Variants in OXTR observed in about 807,000 individuals in gnomAD.
OXTR encodes the protein oxytocin receptor.
OXTR carries 19 observed loss-of-function variants against 23.9 expected under a neutral mutation model. The observed-to-expected ratio is 0.80, with a 90% CI of 0.56 to 1.17. OXTR has a LOEUF of 1.17. Among genes scored for constraint, OXTR ranks in the 50% most tolerant of loss-of-function variants. The pLI, the probability that OXTR is intolerant of heterozygous loss-of-function variation, is 0.00. For missense variants in OXTR, 500 were observed against 550.7 expected (o/e 0.91, Z 0.92); for synonymous variants, 278 against 250.5 (o/e 1.11, Z -1.04).
chr3:8,741,845 G>A, the OXTR span, among the ~76,000 whole-genome samples: 175 of 152,224 alleles, frequency 1.1e-3, no homozygotes, highest in African/African-American at 3.5e-3. Flanking sequence ...CTCAGAGACT[G>A]CGGGGACTGC....
At position 8,767,986 on chromosome 3, in the gene OXTR, G is replaced by C; in HGVS notation, c.202C>G (p.Arg68Gly). The change falls in exon 3 of 4, where the codon CGC becomes GGC. Residue 68 changes from arginine (R) to glycine (G), a missense_variant. By Grantham distance (125) the Arg-to-Gly change is moderately radical. Coordinates refer to ENST00000316793, the MANE Select transcript of OXTR (RefSeq NM_000916.4). ...ACVLLALRTTRQKHSRLFFFM... is the reference protein window; with the variant it reads ...ACVLLALRTTGQKHSRLFFFM... ...AAGAAGAGGCGCGAGTGCTTCTGGC[G>C]TGTGGTGCGCAGCGCCAGCAGCACA... 5.6e-6 allele frequency: 9 copies of C among 1,611,704 alleles called. No individual in the cohort carries two copies. Among genetic ancestry groups the C allele is most frequent in the Non-Finnish European group, 6.8e-6 (8 of 1,179,206 alleles).
chr3:8,752,190 T>G lies in OXTR; in HGVS notation c.*787A>C, dbSNP rs200845217. On this transcript the variant is annotated 3_prime_UTR_variant, in exon 4 of 4. Coordinates refer to ENST00000316793, the MANE Select transcript of OXTR (RefSeq NM_000916.4). ...ACAATTCATTTTTGTATATTGATCT[T>G]GTATCTTGAAACCTTGCGGAACTTG... The G allele has an allele frequency of 2.6e-5, 4 of 152,218 alleles. No individual in the cohort carries two copies. The highest frequency in any genetic ancestry group is 5.9e-5 in the Non-Finnish European group (4 of 68,052). The allele number at this position is 152,218 out of a possible 1,614,324, so 9.4% of individuals were successfully genotyped here.
At chr3:8,762,973 T>C (rs1575489001) in intron 3 of OXTR, among the ~76,000 whole-genome samples, 1 of 152,340 alleles carries the variant, frequency 6.6e-6, no homozygotes, top group Admixed American at 6.5e-5. Flanking sequence ...TGGCAAGCAC[T>C]GGTTGAGCTA....
In OXTR at chr3:8,753,330, C is replaced by G. The variant is rs989208465; in HGVS notation, c.923-106G>C. On this transcript the variant is annotated intron_variant, in intron 3 of 3. Transcript: ENST00000316793. ...ATCATTTCCTGAGCGACAGCCTTGTCCAAGTACTACATCCTGAATCACAAG... is the reference window on the plus strand; with the variant it reads ...ATCATTTCCTGAGCGACAGCCTTGTGCAAGTACTACATCCTGAATCACAAG... The G allele has an allele frequency of 1.6e-5, 21 of 1,286,412 alleles. No individual in the cohort carries two copies. In the Admixed American group the frequency reaches 4.6e-4, roughly 28 times the overall value. The allele number at this position is 1,286,412 out of a possible 1,614,324, so 79.7% of individuals were successfully genotyped here. A position where few individuals can be genotyped will look rare whatever the true frequency, so the allele number is the denominator to read the frequency against.
Position 8,768,225 on chromosome 3 carries a change from C to T in OXTR, c.-38G>A, listed in dbSNP as rs1211355055. On this transcript the variant is annotated 5_prime_UTR_variant, in exon 3 of 4. Coordinates refer to ENST00000316793, the MANE Select transcript of OXTR (RefSeq NM_000916.4). The surrounding 1 kb of genome is among the most constrained non-coding windows in gnomAD (Gnocchi z 5.4). ...AGCGGTGCGCCCCGGCCTTCGAGCCCTTTACGGCTTGGCGCGGCTGGGCCG... is the reference window on the plus strand; with the variant it reads ...AGCGGTGCGCCCCGGCCTTCGAGCCTTTTACGGCTTGGCGCGGCTGGGCCG... 1 of 1,272,278 alleles carries T rather than the reference C, an allele frequency of 7.9e-7. No homozygotes were observed. The highest frequency in any genetic ancestry group is 1.6e-5 in the African/African-American group (1 of 64,146). 78.8% of individuals were successfully genotyped at this position (1,272,278 alleles called of 1,614,324 possible).
rs201616020 is a variant in OXTR at position 8,768,509 on chromosome 3, C to A, written c.-156G>T. 3.9e-6 allele frequency: 1 copy of A among 256,560 alleles called. No individual in the cohort carries two copies. Among genetic ancestry groups the A allele is most frequent in the East Asian group, 7.3e-5 (1 of 13,728 alleles). The allele number at this position is 256,560 out of a possible 1,614,324, so 15.9% of individuals were successfully genotyped here. On this transcript the variant is annotated 5_prime_UTR_variant, in exon 2 of 4. Coordinates refer to ENST00000316793, the MANE Select transcript of OXTR (RefSeq NM_000916.4). This position sits in a 1 kb window ranked among gnomAD's most constrained non-coding sequence, Gnocchi z 5.4. ...CGTTGGAGGTACCTCCTCTGAGCCACTGCAAATGAGCGGGAATCCTCTACC... is the reference window on the plus strand; with the variant it reads ...CGTTGGAGGTACCTCCTCTGAGCCAATGCAAATGAGCGGGAATCCTCTACC...
rs1708665830 is a variant in OXTR at position 8,767,859 on chromosome 3, A to T, written c.329T>A (p.Leu110Gln). 6.2e-7 allele frequency: 1 copy of T among 1,613,134 alleles called. No homozygotes were observed. ...DITFRFYGPD[L>Q]LCRLVKYLQV... ...CAAGTACTTGACCAGGCGGCACAGCAGGTCGGGCCCGTAGAAGCGGAAGGT... is the reference window on the plus strand; with the variant it reads ...CAAGTACTTGACCAGGCGGCACAGCTGGTCGGGCCCGTAGAAGCGGAAGGT... Residue 110 changes from leucine (L) to glutamine (Q), a missense_variant, in exon 3 of 4, where the codon CTG becomes CAG. Leu to Gln is a moderately radical substitution (Grantham distance 113). Coordinates refer to ENST00000316793, the MANE Select transcript of OXTR (RefSeq NM_000916.4).
intron 3 of OXTR, among the ~76,000 whole-genome samples, chr3:8,764,138 C>T (rs1025905079): frequency 2.0e-5 from 3 of 151,844 alleles, no homozygotes; most frequent in Admixed American, 1.3e-4. Context: ...AGAGGGACTT[C>T]GGGTCCCTGG....
chr3:8,768,155 G>A lies in OXTR; in HGVS notation c.33C>T (p.Ala11=), dbSNP rs914287444. The A allele has an allele frequency of 1.5e-6, 2 of 1,335,156 alleles. No homozygotes were observed. The highest frequency in any genetic ancestry group is 6.2e-5 in the East Asian group (2 of 32,104). 82.7% of individuals were successfully genotyped at this position (1,335,156 alleles called of 1,614,324 possible). Residue 11 remains alanine (A), a synonymous_variant, in exon 3 of 4, where the codon GCC becomes GCT. Coordinates refer to ENST00000316793, the MANE Select transcript of OXTR (RefSeq NM_000916.4). The surrounding 1 kb of genome is among the most constrained non-coding windows in gnomAD (Gnocchi z 5.4). ...GCGCGGCGCTGGCGTTGGCTGCCTC[G>A]GCGCTCCAGTTGGCTGCGAGCGCGC... MEGALAANWS[A]EAANASAAPP...
At chr3:8,742,971 C>A in the OXTR span, among the ~76,000 whole-genome samples, 1 of 152,082 alleles carries the variant, frequency 6.6e-6, no homozygotes, top group Non-Finnish European at 1.5e-5. Context: ...GCTGGTGAGG[C>A]CTAAGGAAGC....
the OXTR span, chr3:8,742,736 GTGGA>G: frequency 1.8e-4 from 54 of 299,992 alleles, no homozygotes; most frequent in South Asian, 2.4e-4. Flanking sequence ...GTGTGGGTGG[GTGGA>G]TGGATGGATG....
downstream of OXTR, chr3:8,745,900 G>A: frequency 6.3e-7 from 1 of 1,580,964 alleles, no homozygotes; most frequent in Non-Finnish European, 8.6e-7. This position sits in a 1 kb window ranked among gnomAD's most constrained non-coding sequence, Gnocchi z 4.8. Context: ...GGCAGGGCAG[G>A]GGGTGGTGGG....
At position 8,751,560 on chromosome 3, in the gene OXTR, A is replaced by G. The variant is rs995475627; in HGVS notation, c.*1417T>C. ...ATGCGTTTTGAGTTGATTTTTGCAC[A>G]TAGTGTGAGTAAAGGTCCAACCTCA... On this transcript the variant is annotated 3_prime_UTR_variant, in exon 4 of 4. Coordinates refer to ENST00000316793, the MANE Select transcript of OXTR (RefSeq NM_000916.4). 4 of 151,482 alleles carry G rather than the reference A, an allele frequency of 2.6e-5. No individual in the cohort carries two copies. The highest frequency in any genetic ancestry group is 2.0e-4 in the East Asian group (1 of 5,112). 9.4% of individuals were successfully genotyped at this position (151,482 alleles called of 1,614,324 possible).
intron 3 of OXTR, among the ~76,000 whole-genome samples, chr3:8,753,624 C>A (rs1262039414): frequency 6.6e-6 from 1 of 152,194 alleles, no homozygotes; most frequent in Non-Finnish European, 1.5e-5. Context: ...AGCTGCCACA[C>A]CTAGTTTGCA....
chr3:8,766,252 G>A (rs541031805), intron 3 of OXTR, among the ~76,000 whole-genome samples: 7 of 152,292 alleles, frequency 4.6e-5, no homozygotes, highest in Admixed American at 6.5e-5. Context: ...TTGGGGGGCA[G>A]GGAGTGACAG....
chr3:8,767,236 C>T (rs920878649), intron 3 of OXTR, 30 bp downstream of exon 3: 1 of 1,510,172 alleles, frequency 6.6e-7, no homozygotes, highest in Admixed American at 2.3e-5. Context: ...CACCAGGCTC[C>T]CTCCTCCTGG....
Position 8,768,615 on chromosome 3 carries a change from A to C in OXTR, c.-238-24T>G. On this transcript the variant is annotated intron_variant, in intron 1 of 3. Coordinates refer to ENST00000316793, the MANE Select transcript of OXTR (RefSeq NM_000916.4). This position sits in a 1 kb window ranked among gnomAD's most constrained non-coding sequence, Gnocchi z 5.4. ...CACTGGGGGAGAAGGGAGGGTCAAA[A>C]TCAGCAACGTTCCTCCGGGAGTGGG... 6.2e-6 allele frequency: 1 copy of C among 161,464 alleles called. No homozygotes were observed. The highest frequency in any genetic ancestry group is 2.9e-3 in the Middle Eastern group (1 of 342). The allele number at this position is 161,464 out of a possible 1,614,324, so 10.0% of individuals were successfully genotyped here.
At chr3:8,756,612 C>T (rs1708378666) in intron 3 of OXTR, among the ~76,000 whole-genome samples, 1 of 152,208 alleles carries the variant, frequency 6.6e-6, no homozygotes, top group African/African-American at 2.4e-5. Context: ...GTAAGCAGTG[C>T]CCATTCCCCA....
chr3:8,741,959 C>A, the OXTR span, among the ~76,000 whole-genome samples: 10 of 152,326 alleles, frequency 6.6e-5, no homozygotes, highest in Admixed American at 2.0e-4. Context: ...CCCCCTTCCT[C>A]ACCCTCCAGC....
Sources: allele counts gnomAD v4.1 joint callset (sites outside exome capture counted in the v4.1 genomes callset), GRCh38; gene constraint gnomAD v4.1.1; non-coding constraint Gnocchi (gnomAD v3.1); transcripts MANE v1.5; gene names NCBI Gene and HGNC (gene_info 2026-07-23, HGNC 2026-07-21).